KSR1: variants seen among roughly 807,000 people sequenced by gnomAD.
KSR1 encodes the protein kinase suppressor of ras 1, also known as kinase suppressor of ras.
Under a neutral mutation model 92.9 loss-of-function variants are expected in KSR1, and 35 were observed. The ratio of observed to expected loss-of-function variants is 0.38; its 90% CI spans 0.29 to 0.50. KSR1 has a LOEUF of 0.50. KSR1 is among the 20% of genes least tolerant of loss of function. The probability of loss-of-function intolerance (pLI) is 0.94; values close to 1 mark genes in which losing one functional copy is unlikely to be tolerated. For synonymous variants in KSR1, 467 were observed against 472.6 expected (o/e 0.99, Z 0.15); for missense variants, 972 against 1,158.5 (o/e 0.84, Z 2.34).
chr17:27,532,872 A>G (rs973376452), intron 1 of KSR1, among the ~76,000 whole-genome samples: 1 of 152,166 alleles, frequency 6.6e-6, no homozygotes, highest in Admixed American at 6.5e-5. Context: ...TCAGCCTTCA[A>G]ACTGTGGAAG....
intron 19 of KSR1, among the ~76,000 whole-genome samples, chr17:27,619,816 G>T (rs185169859): frequency 6.6e-6 from 1 of 152,096 alleles, no homozygotes; most frequent in East Asian, 1.9e-4. Context: ...GGGTTCAAGC[G>T]ATTCTCATGC....
chr17:27,483,459 T>C (rs965972257), intron 1 of KSR1, among the ~76,000 whole-genome samples: 9 of 152,060 alleles, frequency 5.9e-5, no homozygotes, highest in Middle Eastern at 3.4e-3. Context: ...TGGTGGCGCA[T>C]GCCTGTAATC....
At chr17:27,526,810 G>C (rs904499933) in intron 1 of KSR1, 5 of 933,840 alleles carry the variant, frequency 5.4e-6, no homozygotes, top group Non-Finnish European at 6.7e-6. Flanking sequence ...GGGCCGTGGC[G>C]TGGTATTTGG....
intron 1 of KSR1, among the ~76,000 whole-genome samples, chr17:27,501,289 C>CTTTTTTTTTTTTTTTTTTTTTTTTT (rs1567768260): frequency 6.9e-5 from 3 of 43,598 alleles, no homozygotes; most frequent in Non-Finnish European, 9.2e-5. Flanking sequence ...AATTTCTTTT[C>CTTTTTTTTTTTTTTTTTTTTTTTTT]TTCTTTTTTT....
Position 27,601,398 on chromosome 17 carries a change from C to G in KSR1, c.1507C>G (p.Pro503Ala). 6.2e-7 allele frequency: 1 copy of G among 1,613,172 alleles called. No homozygotes were observed. Among genetic ancestry groups the G allele is most frequent in the Non-Finnish European group, 8.5e-7 (1 of 1,179,162 alleles). The change falls in exon 11 of 21, where the codon CCA becomes GCA. Residue 503 changes from proline to alanine, a missense_variant. Physicochemically the swap from Pro to Ala is conservative, Grantham distance 27. Coordinates refer to ENST00000644974, the MANE Select transcript of KSR1 (RefSeq NM_001394583.1). ...TCATCATAGACAGCAGTTTATCTTT[C>G]CAGGTGAGTCCTTTGCATGGTTCCA... ...FIHHRQQFIF[P>A]DISAFAHAAP...
chr17:27,568,795 T>C (rs957838238), intron 2 of KSR1, among the ~76,000 whole-genome samples: 1 of 152,216 alleles, frequency 6.6e-6, no homozygotes, highest in African/African-American at 2.4e-5. Flanking sequence ...AGAGGAATAG[T>C]GTCCCTGTTG....
At chr17:27,511,983 G>A (rs2069618182) in intron 1 of KSR1, among the ~76,000 whole-genome samples, 1 of 152,230 alleles carries the variant, frequency 6.6e-6, no homozygotes, top group Non-Finnish European at 1.5e-5. Context: ...AGCCCAAGTG[G>A]CTTTGTGCAA....
intron 1 of KSR1, among the ~76,000 whole-genome samples, chr17:27,501,284 C>CTTTTTTTTTTTTTTTTTTTTTTTT (rs2069171184): frequency 2.1e-5 from 1 of 48,286 alleles, no homozygotes; most frequent in Non-Finnish European, 4.3e-5. Context: ...TTTTTAATTT[C>CTTTTTTTTTTTTTTTTTTTTTTTT]TTTTCTTCTT....
intron 6 of KSR1, among the ~76,000 whole-genome samples, chr17:27,588,742 C>G (rs1197996140): frequency 6.6e-6 from 1 of 152,224 alleles, no homozygotes; most frequent in Non-Finnish European, 1.5e-5. Flanking sequence ...ATCTGCACCT[C>G]CTCGGGTCTC....
chr17:27,586,763 C>A (rs2948549), intron 5 of KSR1, among the ~76,000 whole-genome samples: 86,686 of 152,118 alleles, frequency 0.57, 24,873 homozygotes, highest in Admixed American at 0.67. Context: ...GCCCATGCCC[C>A]CAGAAGTTGG....
intron 2 of KSR1, among the ~76,000 whole-genome samples, chr17:27,574,941 A>G (rs914778900): frequency 2.0e-5 from 3 of 152,230 alleles, no homozygotes; most frequent in African/African-American, 7.2e-5. Flanking sequence ...ATCTTACTGC[A>G]TTGTAGTTAC....
chr17:27,475,940 T>C (rs2068329149), intron 1 of KSR1, among the ~76,000 whole-genome samples: 1 of 152,214 alleles, frequency 6.6e-6, no homozygotes. Flanking sequence ...CCTGTAAATA[T>C]GTGATGATAT....
chr17:27,606,592 A>T (rs1175067227), intron 14 of KSR1, among the ~76,000 whole-genome samples: 3 of 152,152 alleles, frequency 2.0e-5, no homozygotes, highest in Non-Finnish European at 2.9e-5. Context: ...TAAATGTGTA[A>T]CAACCAGTTT....
chr17:27,505,759 T>A (rs62057783), intron 1 of KSR1, among the ~76,000 whole-genome samples: 4,847 of 152,354 alleles, frequency 0.032, 94 homozygotes, highest in Non-Finnish European at 0.053. Context: ...TATTTTTTGT[T>A]GATGTTTCTT....
intron 1 of KSR1, among the ~76,000 whole-genome samples, 166 bp from the exon 2 acceptor site, chr17:27,550,402 C>T (rs1183369918): frequency 6.6e-6 from 1 of 152,194 alleles, no homozygotes; most frequent in Non-Finnish European, 1.5e-5. Context: ...TTCTCCCAGA[C>T]CCTTCTCCAC....
At position 27,625,811 on chromosome 17, in the gene KSR1, G is replaced by A. The variant is rs966330268; in HGVS notation, c.*2419G>A. On this transcript the variant is annotated 3_prime_UTR_variant, in exon 21 of 21. Transcript: ENST00000644974. Reference sequence around the variant, plus strand: ...TCTTAGGGGCTGCGGAAGTCCCCACGGGGGTCTGAGAGTGGAGCCCAAGCT... The same window carrying A: ...TCTTAGGGGCTGCGGAAGTCCCCACAGGGGTCTGAGAGTGGAGCCCAAGCT... 1.3e-5 allele frequency: 2 copies of A among 152,244 alleles called. No homozygotes were observed. The highest frequency in any genetic ancestry group is 2.1e-4 in the South Asian group (1 of 4,826). The allele number at this position is 152,244 out of a possible 1,614,324, so 9.4% of individuals were successfully genotyped here.
At chr17:27,466,318 T>G (rs1597824155) in intron 1 of KSR1, among the ~76,000 whole-genome samples, 1 of 152,218 alleles carries the variant, frequency 6.6e-6, no homozygotes, top group Admixed American at 6.5e-5. Flanking sequence ...TGTAGACTTA[T>G]CCAGCCATGA....
intron 10 of KSR1, 33 bp from the exon 11 acceptor site, chr17:27,601,327 G>A (rs546662067): frequency 2.5e-6 from 4 of 1,599,550 alleles, no homozygotes; most frequent in Middle Eastern, 1.6e-4. Flanking sequence ...TGGCCGTTCT[G>A]TGTGTGTGAC....
chr17:27,531,064 G>A (rs1421858154), intron 1 of KSR1, among the ~76,000 whole-genome samples: 1 of 152,204 alleles, frequency 6.6e-6, no homozygotes. Context: ...TTTGTGCTGG[G>A]CGTTTCCTTG....
Sources: gnomAD v4.1 joint callset for allele counts (sites outside exome capture counted in the v4.1 genomes callset) on GRCh38, gnomAD v4.1.1 for gene constraint, MANE v1.5 for transcripts, NCBI Gene and HGNC (gene_info 2026-07-23, HGNC 2026-07-21) for gene names.